C2CD3: variants seen among roughly 807,000 people sequenced by gnomAD.
C2CD3 encodes C2 domain containing 3 centriole elongation regulator.
Under a neutral mutation model 234.0 loss-of-function variants are expected in C2CD3, and 148 were observed. That is an observed-to-expected ratio of 0.63 (90% CI 0.55 to 0.72). The LOEUF (loss-of-function observed/expected upper bound fraction) is 0.72, where lower values mean the gene tolerates loss of function less well. Among genes scored for constraint, C2CD3 ranks in the 30% least tolerant of loss-of-function variants. The pLI is 0.00. For missense variants in C2CD3, 2,577 were observed against 2,811.5 expected, an observed-to-expected ratio of 0.92 and a Z score of 1.89; for synonymous variants, 1,000 against 1,035.4, an observed-to-expected ratio of 0.97 and a Z score of 0.66.
chr11:74,032,817 G>GTAA (rs930392427), intron 31 of C2CD3, among the ~76,000 whole-genome samples: 1 of 151,462 alleles, frequency 6.6e-6, no homozygotes, highest in Non-Finnish European at 1.5e-5. Context: ...GTGAGGTATG[G>GTAA]TAATAACCTT....
chr11:74,154,565 GAACA>G (rs1421750899), intron 3 of C2CD3, among the ~76,000 whole-genome samples: 3 of 152,130 alleles, frequency 2.0e-5, no homozygotes, highest in Non-Finnish European at 4.4e-5. Context: ...CAAAAAACTT[GAACA>G]AACAATCCAC....
intron 3 of C2CD3, among the ~76,000 whole-genome samples, chr11:74,148,826 T>C (rs1439346250): frequency 2.6e-5 from 4 of 152,178 alleles, no homozygotes; most frequent in Non-Finnish European, 5.9e-5. Flanking sequence ...AGAGATCCCA[T>C]GGTTAGTCAA....
intron 30 of C2CD3, 147 bp from the exon 31 acceptor site, chr11:74,034,425 GACTATATTCAAGGCGGT>G: frequency 6.6e-7 from 1 of 1,523,480 alleles, no homozygotes; most frequent in East Asian, 2.5e-5. Context: ...GATTCAGTGA[GACTATATTCAAGGCGGT>G]ACAATTTTTA....
intron 9 of C2CD3, among the ~76,000 whole-genome samples, chr11:74,115,209 CATACATACATATATAT>C (rs1381984552): frequency 5.3e-5 from 8 of 151,360 alleles, no homozygotes; most frequent in Non-Finnish European, 8.8e-5. Context: ...CACACACACA[CATACATACATATATAT>C]ATACATACAT....
chr11:74,106,265 C>G, intron 13 of C2CD3, 106 bp downstream of exon 13: 1 of 1,081,788 alleles, frequency 9.2e-7, no homozygotes, highest in Non-Finnish European at 1.4e-6. Flanking sequence ...AGATGCTACA[C>G]AAGATCAAAG....
rs1951768337 is a variant in C2CD3 at position 74,013,497 on chromosome 11, A to G, written c.6950T>C (p.Leu2317Pro). 2 of 1,385,392 alleles carry G rather than the reference A, an allele frequency of 1.4e-6. No homozygotes were observed. Among genetic ancestry groups the G allele is most frequent in the Non-Finnish European group, 1.9e-6 (2 of 1,074,410 alleles). 85.8% of individuals were successfully genotyped at this position (1,385,392 alleles called of 1,614,324 possible). A position where few individuals can be genotyped will look rare whatever the true frequency, so the allele number is the denominator to read the frequency against. Residue 2317 changes from leucine (L) to proline (P), a missense_variant, in exon 33 of 33, where the codon CTC (leucine) becomes CCC (proline). By Grantham distance (98) the Leu-to-Pro change is moderately conservative. Transcript: ENST00000334126. ...QDKSEATRGA[L>P]SQRPCRPRPN... Reference sequence around the variant, plus strand: ...TCTGGGGCGACAAGGCCTTTGGGAGAGAGCTCCCCTGGTGGCTTCGCTCTT... The same window carrying G: ...TCTGGGGCGACAAGGCCTTTGGGAGGGAGCTCCCCTGGTGGCTTCGCTCTT...
chr11:74,113,404 C>T lies in C2CD3; in HGVS notation c.1843+376G>A, dbSNP rs145563372. 215 of 228,834 alleles carry T rather than the reference C, an allele frequency of 9.4e-4. 1 individual carries two copies. In the East Asian group the frequency reaches 0.022, roughly 23 times the overall value. 14.2% of individuals were successfully genotyped at this position (228,834 alleles called of 1,614,324 possible). A position where few individuals can be genotyped will look rare whatever the true frequency, so the allele number is the denominator to read the frequency against. On this transcript the variant is annotated intron_variant, in intron 11 of 32. Coordinates refer to ENST00000334126, the MANE Select transcript of C2CD3 (RefSeq NM_001286577.2). Reference sequence around the variant, plus strand: ...CACAGCCTTGAAAATATTGGCTGGGCGTGATGGCTTATGCCTGTAATCCCA... The same window carrying T: ...CACAGCCTTGAAAATATTGGCTGGGTGTGATGGCTTATGCCTGTAATCCCA...
In C2CD3 at chr11:74,103,341, T is replaced by A; in HGVS notation, c.2370A>T (p.Leu790Phe). 1 of 1,614,246 alleles carries A rather than the reference T, an allele frequency of 6.2e-7. No individual in the cohort carries two copies. The highest frequency in any genetic ancestry group is 1.3e-5 in the African/African-American group (1 of 75,076). The change falls in exon 14 of 33, where the codon TTA becomes TTT. Residue 790 changes from leucine to phenylalanine, a missense_variant. Leu to Phe is a conservative substitution (Grantham distance 22). Transcript: ENST00000334126. The part of the protein sequence containing the change: ...TFVATPASHN[L>F]VNQTNGTTKE... The stretch of plus-strand genomic sequence containing the variant: ...TTGTTGTCCCATTTGTCTGATTGAC[T>A]AAATTATGGGAGGCTGGCGTAGCTA...
rs141648699 is a variant in C2CD3 at position 74,068,118 on chromosome 11, C to G, written c.4951+6135G>C. On this transcript the variant is annotated intron_variant, in intron 24 of 32. Coordinates refer to ENST00000334126, the MANE Select transcript of C2CD3 (RefSeq NM_001286577.2). Reference sequence around the variant, plus strand: ...TCCTAGAAGTTTAGCCTAGAGCTCACTCCTCTAGCCCTTCTAATGACTTAA... The same window carrying G: ...TCCTAGAAGTTTAGCCTAGAGCTCAGTCCTCTAGCCCTTCTAATGACTTAA... Among the ~76,000 whole-genome samples the G allele has an allele frequency of 3.6e-3, 542 of 152,302 alleles. 2 individuals are homozygous for G. The highest frequency in any genetic ancestry group is 0.024 in the Middle Eastern group (7 of 294).
chr11:74,145,340 T>A (rs1302707482), intron 3 of C2CD3, among the ~76,000 whole-genome samples: 6 of 152,234 alleles, frequency 3.9e-5, no homozygotes, highest in Non-Finnish European at 7.3e-5. Context: ...TTTTTTCACG[T>A]TTGTTGGCGC....
At chr11:74,096,669 T>TA (rs1416751156) in intron 16 of C2CD3, among the ~76,000 whole-genome samples, 1 of 152,218 alleles carries the variant, frequency 6.6e-6, no homozygotes, top group Non-Finnish European at 1.5e-5. Context: ...TCTGTGCATG[T>TA]AGTGAGAAAC....
At chr11:74,074,622 T>A in intron 23 of C2CD3, 22 bp from the exon 24 acceptor site, 2 of 1,576,434 alleles carry the variant, frequency 1.3e-6, no homozygotes, top group South Asian at 1.1e-5. Context: ...TGGAGAAGAA[T>A]AAGGCTAGTC....
chr11:74,150,927 T>C (rs560319413), intron 3 of C2CD3, among the ~76,000 whole-genome samples: 27 of 152,204 alleles, frequency 1.8e-4, no homozygotes, highest in East Asian at 5.8e-4. Flanking sequence ...TTCTTTCTTT[T>C]TTTTTTGTTT....
At position 74,078,441 on chromosome 11, in the gene C2CD3, T is replaced by C; in HGVS notation, c.4277A>G (p.His1426Arg). 2 of 1,614,206 alleles carry C rather than the reference T, an allele frequency of 1.2e-6. No homozygotes were observed. The highest frequency in any genetic ancestry group is 1.1e-5 in the South Asian group (1 of 91,084). ...LPIHCVLLAGHNHIHKNTYCY... is the reference protein window; with the variant it reads ...LPIHCVLLAGRNHIHKNTYCY... The stretch of plus-strand genomic sequence containing the variant: ...ATATGTATTCTTATGAATGTGGTTG[T>C]GGCCAGCAAGCAGCACACAATGGAT... The change falls in exon 23 of 33, where the codon CAC becomes CGC. Residue 1426 changes from histidine (H) to arginine (R), a missense_variant. By Grantham distance (29) the His-to-Arg change is conservative. Coordinates refer to ENST00000334126, the MANE Select transcript of C2CD3 (RefSeq NM_001286577.2).
chr11:74,090,849 T>C lies in C2CD3; in HGVS notation c.3605A>G (p.Gln1202Arg), dbSNP rs377120452. 45 of 1,614,162 alleles carry C rather than the reference T, an allele frequency of 2.8e-5. No individual in the cohort carries two copies. In the South Asian group the frequency reaches 3.2e-4, roughly 11 times the overall value. ...LAARTVSISVQIIRACGLQAA... is the reference protein window; with the variant it reads ...LAARTVSISVRIIRACGLQAA... The stretch of plus-strand genomic sequence containing the variant: ...TTGCAGACCACAGGCTCTGATAATC[T>C]GGACTGAGATGGAAACAGTTCGGGC... Residue 1202 changes from glutamine (Q) to arginine (R), a missense_variant, in exon 20 of 33, where the codon CAG (glutamine) becomes CGG (arginine). Transcript: ENST00000334126.
intron 32 of C2CD3, among the ~76,000 whole-genome samples, chr11:74,023,932 T>C (rs1286140807): frequency 6.6e-6 from 1 of 152,230 alleles, no homozygotes; most frequent in African/African-American, 2.4e-5. Context: ...TGAATACCAA[T>C]GAATCTATGT....
chr11:74,139,529 C>G, intron 4 of C2CD3, 76 bp downstream of exon 4: 1 of 1,063,884 alleles, frequency 9.4e-7, no homozygotes, highest in Non-Finnish European at 1.5e-6. Flanking sequence ...TTTTACTCAA[C>G]CATAAATGAA....
chr11:74,160,980 G>T (rs753981645), intron 3 of C2CD3, among the ~76,000 whole-genome samples: 22 of 152,254 alleles, frequency 1.4e-4, no homozygotes, highest in Middle Eastern at 6.8e-3. Flanking sequence ...ACTATATTAT[G>T]AGCTATGTGA....
rs1471717791 is a variant in C2CD3, at chr11:74,033,500, G to A, written c.6660C>T (p.Asp2220=). The A allele has an allele frequency of 5.2e-6, 8 of 1,536,100 alleles. No homozygotes were observed. In the East Asian group the frequency reaches 9.8e-5, roughly 19 times the overall value. The change falls in exon 31 of 33, where the codon GAC becomes GAT. Residue 2220 remains aspartate, a synonymous_variant. Transcript: ENST00000334126. ...GCAACTTCTTGAAGCTATCAGCAGA[G>A]TCACCGAGCTCACTGGTGGCAGCTT... ...ENEAATSELG[D]SADSFKKLPL...
Sources: gnomAD v4.1 joint callset for allele counts (sites outside exome capture counted in the v4.1 genomes callset) on GRCh38, gnomAD v4.1.1 for gene constraint, MANE v1.5 for transcripts, NCBI Gene and HGNC (gene_info 2026-07-23, HGNC 2026-07-21) for gene names.